The following COL28A1 variants were observed in gnomAD, a reference collection of about 807,000 sequenced individuals.
The protein encoded by COL28A1 is collagen alpha-1(XXVIII) chain.
A neutral mutation model predicts 150.2 loss-of-function variants in COL28A1; 161 were observed. That is an observed-to-expected ratio of 1.07 (90% confidence interval 0.94 to 1.22). The LOEUF (loss-of-function observed/expected upper bound fraction) is 1.22. Ranked by LOEUF, COL28A1 falls within the 50% of genes most tolerant of loss-of-function variation. The probability of loss-of-function intolerance (pLI) is 0.00; values close to 1 mark genes in which losing one functional copy is unlikely to be tolerated. For synonymous variants in COL28A1, 552 were observed against 469.7 expected (o/e 1.18, Z -2.26); for missense variants, 1,617 against 1,388.3 (o/e 1.16, Z -2.62).
chr7:7,443,598 T>TGTCCTTTTCCAGGTG lies in COL28A1; in HGVS notation c.1622_1636dup (p.Pro541_Gly545dup). ...TCATTTCCATACCTTGGGGCCAGGC[T>TGTCCTTTTCCAGGTG]GTCCTTTTCCAGGTGGTCCTTCTGG... is the stretch of plus-strand genomic sequence containing the variant. On this transcript the variant is annotated inframe_insertion, in exon 20 of 35. Transcript: ENST00000399429. 6.2e-7 allele frequency: 1 copy of TGTCCTTTTCCAGGTG among 1,614,174 alleles called. No homozygotes were observed. The highest frequency in any genetic ancestry group is 8.5e-7 in the Non-Finnish European group (1 of 1,180,022).
chr7:7,471,987 G>C (rs111803503), intron 15 of COL28A1, among the ~76,000 whole-genome samples: 3 of 152,298 alleles, frequency 2.0e-5, no homozygotes, highest in African/African-American at 7.2e-5. Flanking sequence ...TATGATTAAA[G>C]CTCTCAGCAA....
At chr7:7,461,029 G>C (rs1257333761) in intron 15 of COL28A1, among the ~76,000 whole-genome samples, 1 of 152,188 alleles carries the variant, frequency 6.6e-6, no homozygotes, top group Non-Finnish European at 1.5e-5. Context: ...CCACGGACTT[G>C]CTGAAGGGAA....
intron 27 of COL28A1, among the ~76,000 whole-genome samples, chr7:7,402,216 T>G (rs1783245649): frequency 6.6e-6 from 1 of 152,250 alleles, no homozygotes; most frequent in African/African-American, 2.4e-5. Context: ...CAGCTCACAA[T>G]TTCATCATTT....
chr7:7,342,384 T>G, the COL28A1 span, among the ~76,000 whole-genome samples: 2 of 152,200 alleles, frequency 1.3e-5, no homozygotes, highest in African/African-American at 2.4e-5. Context: ...TCCAATCTAT[T>G]ACTCTTTGCC....
rs112832763 is a variant in COL28A1 at position 7,412,179 on chromosome 7, C to A, written c.2136+5680G>T. ...GGGGATACATGTCAAGTCCTGGCCA[C>A]GAGTTTATGAAGCAGGTATACCCCT... On this transcript the variant is annotated intron_variant, in intron 27 of 34. Transcript: ENST00000399429. Among the ~76,000 whole-genome samples the A allele has an allele frequency of 4.3e-4, 66 of 152,110 alleles. 3 individuals are homozygous for A. The highest frequency in any genetic ancestry group is 1.6e-3 in the African/African-American group (66 of 41,436).
intron 27 of COL28A1, among the ~76,000 whole-genome samples, chr7:7,404,802 T>A (rs1783405383): frequency 6.6e-6 from 1 of 152,144 alleles, no homozygotes. Context: ...CTCATTTTTG[T>A]CTCTTTTGCT....
chr7:7,519,811 CT>C (rs1438863808), intron 6 of COL28A1, among the ~76,000 whole-genome samples: 4 of 152,110 alleles, frequency 2.6e-5, no homozygotes, highest in Admixed American at 1.3e-4. Flanking sequence ...GTACTAGTTT[CT>C]GTTTATTCAA....
upstream of COL28A1, among the ~76,000 whole-genome samples, chr7:7,538,804 T>C (rs1172323746): frequency 6.6e-6 from 1 of 152,062 alleles, no homozygotes; most frequent in African/African-American, 2.4e-5. Context: ...TAGTATAGTT[T>C]CACAAGCTTC....
At chr7:7,384,892 C>A (rs372476854) in intron 27 of COL28A1, among the ~76,000 whole-genome samples, 1 of 152,154 alleles carries the variant, frequency 6.6e-6, no homozygotes, top group African/African-American at 2.4e-5. Flanking sequence ...GCACTCCCAA[C>A]ATAGGTGTCA....
intron 32 of COL28A1, among the ~76,000 whole-genome samples, chr7:7,372,791 A>T (rs1451939174): frequency 6.6e-6 from 1 of 152,192 alleles, no homozygotes; most frequent in Non-Finnish European, 1.5e-5. Flanking sequence ...AGCATTTATT[A>T]ACCCTTAATA....
chr7:7,341,629 T>G, the COL28A1 span, among the ~76,000 whole-genome samples: 1 of 152,128 alleles, frequency 6.6e-6, no homozygotes, highest in Non-Finnish European at 1.5e-5. Flanking sequence ...ACTTAAACTA[T>G]CCTTTTAAGC....
intron 27 of COL28A1, among the ~76,000 whole-genome samples, chr7:7,403,166 G>C (rs918394996): frequency 3.3e-5 from 5 of 150,574 alleles, no homozygotes; most frequent in African/African-American, 1.2e-4. Flanking sequence ...AAGTCAACCT[G>C]TTGAAGTTGG....
rs1006042350 is a variant in COL28A1 at position 7,486,092 on chromosome 7, C to A, written c.1164+3297G>T. 1.2e-3 allele frequency among the ~76,000 whole-genome samples: 176 copies of A among 152,226 alleles called. 1 individual carries two copies. Among genetic ancestry groups the A allele is most frequent in the African/African-American group, 4.0e-3 (165 of 41,546 alleles). On this transcript the variant is annotated intron_variant, in intron 13 of 34. Transcript: ENST00000399429. ...TTGAGTCTTCTAATCTGTAAACATG[C>A]CTCTAAATGTATTAAGTATTCTCTG...
chr7:7,386,850 T>C (rs1782214441), intron 27 of COL28A1, among the ~76,000 whole-genome samples: 1 of 152,170 alleles, frequency 6.6e-6, no homozygotes, highest in Admixed American at 6.5e-5. Flanking sequence ...GGGTGGCTTA[T>C]AAACAACAGC....
Position 7,493,849 on chromosome 7 carries a change from AACAC to A in COL28A1, c.1027-3207_1027-3204del, listed in dbSNP as rs3040237. Among the ~76,000 whole-genome samples the A allele has an allele frequency of 4.0e-5, 6 of 150,598 alleles. 1 individual carries two copies. The South Asian group carries it at 6.3e-4, about 16-fold the overall frequency. ...TAATATTCCTACCCCAGCCCTTAGC[AACAC>A]ACACACACACACACAAAGACAGAGA... On this transcript the variant is annotated intron_variant, in intron 11 of 34. Transcript: ENST00000399429.
At chr7:7,418,058 C>G (rs554033750) in intron 26 of COL28A1, 131 bp from the exon 27 acceptor site, 2 of 635,090 alleles carry the variant, frequency 3.1e-6, no homozygotes, top group Admixed American at 3.5e-5. Flanking sequence ...CTATAAGCTA[C>G]TTCCTATTTT....
At chr7:7,420,761 A>T (rs959263317) in intron 25 of COL28A1, among the ~76,000 whole-genome samples, 4 of 152,216 alleles carry the variant, frequency 2.6e-5, no homozygotes, top group Admixed American at 2.6e-4. Flanking sequence ...TTCTATCATG[A>T]TTTTTACCAC....
intron 26 of COL28A1, among the ~76,000 whole-genome samples, chr7:7,418,727 G>A (rs1371984427): frequency 6.6e-6 from 1 of 151,814 alleles, no homozygotes; most frequent in African/African-American, 2.4e-5. Context: ...GATTATAAGA[G>A]GAATACCTGC....
intron 15 of COL28A1, among the ~76,000 whole-genome samples, chr7:7,457,246 A>C (rs561733752): frequency 6.6e-6 from 1 of 152,280 alleles, no homozygotes; most frequent in South Asian, 2.1e-4. Flanking sequence ...CCCATCTGGA[A>C]GCTGTATGGA....
Sources: gnomAD v4.1 joint callset for allele counts (sites outside exome capture counted in the v4.1 genomes callset) on GRCh38, gnomAD v4.1.1 for gene constraint, MANE v1.5 for transcripts, NCBI Gene and HGNC (gene_info 2026-07-23, HGNC 2026-07-21) for gene names.